The following AFF3 variants were observed in gnomAD, a reference collection of about 807,000 sequenced individuals.
AFF3 encodes the protein AF4/FMR2 family member 3.
AFF3 carries 32 observed loss-of-function variants against 129.7 expected under a neutral mutation model. That is an observed-to-expected ratio of 0.25 (90% CI 0.19 to 0.33). AFF3 has a LOEUF of 0.33. AFF3 is among the 10% of genes least tolerant of loss of function. The pLI, the probability that AFF3 is intolerant of heterozygous loss-of-function variation, is 1.00. For synonymous variants in AFF3, 644 were observed against 635.4 expected, an observed-to-expected ratio of 1.01 and a Z score of -0.20; for missense variants, 1,373 against 1,592.0, an observed-to-expected ratio of 0.86 and a Z score of 2.34.
intron 11 of AFF3, among the ~76,000 whole-genome samples, chr2:99,675,436 A>G (rs1051881890): frequency 1.3e-5 from 2 of 152,204 alleles, no homozygotes; most frequent in African/African-American, 4.8e-5. Context: ...GCACAGAGGT[A>G]CACCCTGAGG....
chr2:99,610,984 C>T (rs1278808047), intron 13 of AFF3, among the ~76,000 whole-genome samples: 1 of 152,186 alleles, frequency 6.6e-6, no homozygotes. Flanking sequence ...CTTCTCTACC[C>T]CCCAGTCTGT....
chr2:100,001,137 A>C (rs1256478478), intron 7 of AFF3, among the ~76,000 whole-genome samples: 1 of 152,148 alleles, frequency 6.6e-6, no homozygotes, highest in Non-Finnish European at 1.5e-5. Context: ...GCTTTACGAG[A>C]ACTGAGAAAG....
chr2:99,711,258 C>T (rs527984029), intron 11 of AFF3, among the ~76,000 whole-genome samples: 1 of 152,250 alleles, frequency 6.6e-6, no homozygotes, highest in East Asian at 1.9e-4. Context: ...CGGACCCAGT[C>T]GGAATCTTGG....
At chr2:99,804,867 T>C (rs1168053418) in intron 8 of AFF3, among the ~76,000 whole-genome samples, 3 of 152,094 alleles carry the variant, frequency 2.0e-5, no homozygotes, top group Admixed American at 6.5e-5. Flanking sequence ...CATTTAGAAG[T>C]GGAGGTAAGC....
chr2:99,776,724 C>CA (rs912855272), intron 8 of AFF3, among the ~76,000 whole-genome samples: 26 of 152,118 alleles, frequency 1.7e-4, no homozygotes, highest in African/African-American at 5.8e-4. Flanking sequence ...GGTACAACCA[C>CA]AAAAAAACTG....
chr2:100,030,360 C>T (rs904338472), intron 4 of AFF3, among the ~76,000 whole-genome samples: 8 of 152,092 alleles, frequency 5.3e-5, no homozygotes, highest in African/African-American at 1.9e-4. Flanking sequence ...ATTGTGATGG[C>T]TAAAATCCAA....
intron 20 of AFF3, among the ~76,000 whole-genome samples, chr2:99,563,013 C>T (rs1675612572): frequency 2.4e-5 from 3 of 125,702 alleles, no homozygotes. Context: ...CCTGCTTGGC[C>T]ATCTGGAGTT....
At chr2:99,982,749 T>C (rs1351044868) in intron 7 of AFF3, among the ~76,000 whole-genome samples, 1 of 152,194 alleles carries the variant, frequency 6.6e-6, no homozygotes, top group African/African-American at 2.4e-5. Context: ...GTGGAGTTTT[T>C]AACTCATAAT....
intron 8 of AFF3, among the ~76,000 whole-genome samples, chr2:99,807,779 T>A (rs1195440977): frequency 1.3e-5 from 2 of 151,406 alleles, no homozygotes; most frequent in Admixed American, 1.3e-4. Context: ...CCTGCCAGCC[T>A]GTGGAATTAG....
At chr2:99,762,036 T>C (rs537355931) in intron 8 of AFF3, among the ~76,000 whole-genome samples, 1 of 152,150 alleles carries the variant, frequency 6.6e-6, no homozygotes, top group Non-Finnish European at 1.5e-5. Context: ...TACCTCTGCA[T>C]TCTTTCTCAT....
At chr2:99,882,897 G>C (rs1238705002) in intron 7 of AFF3, among the ~76,000 whole-genome samples, 1 of 152,222 alleles carries the variant, frequency 6.6e-6, no homozygotes, top group African/African-American at 2.4e-5. Flanking sequence ...AATTAGTGAG[G>C]AAGAAGCCAA....
intron 3 of AFF3, 191 bp downstream of exon 3, chr2:100,105,313 C>G: frequency 8.4e-7 from 1 of 1,196,562 alleles, no homozygotes; most frequent in Non-Finnish European, 1.1e-6. Flanking sequence ...CTGTGCCGCC[C>G]GCAGCAGCGC....
intron 14 of AFF3, among the ~76,000 whole-genome samples, chr2:99,596,349 A>G (rs1389351635): frequency 6.6e-6 from 1 of 152,212 alleles, no homozygotes; most frequent in African/African-American, 2.4e-5. Context: ...TTCTCGGCCA[A>G]GGGGGATCCC....
At chr2:99,646,275 A>G (rs1313408488) in intron 13 of AFF3, among the ~76,000 whole-genome samples, 1 of 152,344 alleles carries the variant, frequency 6.6e-6, no homozygotes, top group East Asian at 1.9e-4. Flanking sequence ...CTTATAGGAC[A>G]CTGAGGTTCT....
At chr2:99,818,958 TTAAA>T (rs1216964229) in intron 8 of AFF3, among the ~76,000 whole-genome samples, 1 of 152,186 alleles carries the variant, frequency 6.6e-6, no homozygotes, top group Non-Finnish European at 1.5e-5. Context: ...GCAAAGACAT[TTAAA>T]TAAGCACATT....
intron 12 of AFF3, among the ~76,000 whole-genome samples, chr2:99,653,480 C>T (rs964247165): frequency 4.6e-5 from 7 of 152,216 alleles, no homozygotes; most frequent in African/African-American, 1.4e-4. Context: ...ACGGAAACAG[C>T]GCTTGCTGAT....
intron 4 of AFF3, among the ~76,000 whole-genome samples, chr2:100,078,944 C>CTT (rs35031023): frequency 0.017 from 2,218 of 131,168 alleles, 52 homozygotes; most frequent in South Asian, 0.053. Flanking sequence ...TGAATATTTT[C>CTT]TTTTTTTTTT....
At chr2:99,835,202 G>A (rs1239830805) in intron 8 of AFF3, among the ~76,000 whole-genome samples, 1 of 152,066 alleles carries the variant, frequency 6.6e-6, no homozygotes, top group Non-Finnish European at 1.5e-5. Context: ...AGCCAGAGTG[G>A]TGCATTTAAA....
intron 7 of AFF3, among the ~76,000 whole-genome samples, chr2:99,919,813 C>G (rs891989995): frequency 6.6e-6 from 1 of 151,588 alleles, no homozygotes; most frequent in African/African-American, 2.4e-5. Context: ...AATTGATGAC[C>G]ATTTGGCAAC....
Sources: gnomAD v4.1 joint callset for allele counts (sites outside exome capture counted in the v4.1 genomes callset) on GRCh38, gnomAD v4.1.1 for gene constraint, MANE v1.5 for transcripts, NCBI Gene and HGNC (gene_info 2026-07-23, HGNC 2026-07-21) for gene names.